The following PIK3CB variants were observed in gnomAD, a reference collection of about 807,000 sequenced individuals.
The protein encoded by PIK3CB is phosphatidylinositol-4,5-bisphosphate 3-kinase catalytic subunit beta.
PIK3CB carries 39 observed loss-of-function variants against 136.8 expected under a neutral mutation model. That is an observed-to-expected ratio of 0.29 (90% confidence interval 0.22 to 0.37). The LOEUF (loss-of-function observed/expected upper bound fraction) is 0.37. PIK3CB is among the 10% of genes least tolerant of loss of function. The pLI, the probability that PIK3CB is intolerant of heterozygous loss-of-function variation, is 1.00. For missense variants in PIK3CB, 868 were observed against 1,275.4 expected (o/e 0.68, Z 4.87); for synonymous variants, 428 against 436.6 (o/e 0.98, Z 0.25).
At chr3:138,822,955 A>T (rs923534374) in intron 1 of PIK3CB, among the ~76,000 whole-genome samples, 2 of 143,974 alleles carry the variant, frequency 1.4e-5, no homozygotes, top group African/African-American at 5.1e-5. Flanking sequence ...ATATACATGA[A>T]ATATATATAT....
intron 8 of PIK3CB, among the ~76,000 whole-genome samples, chr3:138,728,708 A>T (rs1445501867): frequency 1.3e-5 from 2 of 151,500 alleles, no homozygotes; most frequent in Middle Eastern, 6.8e-3. Flanking sequence ...TGAACCCGGG[A>T]GGGGGAGCTT....
chr3:138,757,377 C>T (rs183907451), intron 3 of PIK3CB, among the ~76,000 whole-genome samples: 65 of 151,764 alleles, frequency 4.3e-4, no homozygotes, highest in African/African-American at 1.2e-3. Context: ...GCCCTCCAGT[C>T]TGGCGACAGA....
rs60503033 is a variant in PIK3CB at position 138,744,392 on chromosome 3, C to CAAAAAAAAAAAAAAAAAAAAAAAAAAA, written c.398-1638_398-1612dup. The stretch of plus-strand genomic sequence containing the variant: ...ACTGGGTGACAGAGCGAGACTCCCC[C>CAAAAAAAAAAAAAAAAAAAAAAAAAAA]AAAAAAAAAAAAAAAAAAAAAAAAA... On this transcript the variant is annotated intron_variant, in intron 4 of 23. Coordinates refer to ENST00000674063, the MANE Select transcript of PIK3CB (RefSeq NM_006219.3). 7.8e-4 allele frequency among the ~76,000 whole-genome samples: 35 copies of CAAAAAAAAAAAAAAAAAAAAAAAAAAA among 45,108 alleles called. 16 individuals carry two copies. Among genetic ancestry groups the CAAAAAAAAAAAAAAAAAAAAAAAAAAA allele is most frequent in the Non-Finnish European group, 1.1e-3 (28 of 24,730 alleles). The allele number at this position is 45,108 out of a possible 152,430, so 29.6% of individuals were successfully genotyped here.
chr3:138,697,837 A>G (rs2044170846), intron 13 of PIK3CB, among the ~76,000 whole-genome samples: 2 of 152,010 alleles, frequency 1.3e-5, no homozygotes, highest in African/African-American at 4.8e-5. Context: ...GATTCCAACA[A>G]TTCTCCCATT....
At chr3:138,688,014 G>A (rs2043929269) in intron 16 of PIK3CB, among the ~76,000 whole-genome samples, 1 of 152,096 alleles carries the variant, frequency 6.6e-6, no homozygotes, top group Non-Finnish European at 1.5e-5. Context: ...CCCATAATAA[G>A]TGATGAATAA....
Position 138,701,552 on chromosome 3 carries a change from C to T in PIK3CB, c.1582-2457G>A, listed in dbSNP as rs138996365. ...CTGTAATCCCAGCACTTTGGGAGGC[C>T]GAGACGGGCAGATCACGGGGTCAAG... On this transcript the variant is annotated intron_variant, in intron 12 of 23. Transcript: ENST00000674063. Among the ~76,000 whole-genome samples, 39 of 151,974 alleles carry T rather than the reference C, an allele frequency of 2.6e-4. No homozygotes were observed. The East Asian group carries it at 5.8e-3, about 23-fold the overall frequency.
At chr3:138,784,121 G>C (rs180765393) in intron 2 of PIK3CB, among the ~76,000 whole-genome samples, 133 of 152,342 alleles carry the variant, frequency 8.7e-4, no homozygotes, top group African/African-American at 3.1e-3. Context: ...GCCAGGCACA[G>C]TGGCTCACGC....
chr3:138,726,999 CGT>C lies in PIK3CB; in HGVS notation c.1050+6360_1050+6361del, dbSNP rs1189841751. On this transcript the variant is annotated intron_variant, in intron 8 of 23. Coordinates refer to ENST00000674063, the MANE Select transcript of PIK3CB (RefSeq NM_006219.3). Reference sequence around the variant, plus strand: ...CCAGGAAGTCAAGGCTGCAGTGAGCCGTGTTTATCCACTCCACTCCAACCTGG... The same window carrying C: ...CCAGGAAGTCAAGGCTGCAGTGAGCCGTTTATCCACTCCACTCCAACCTGG... Among the ~76,000 whole-genome samples, 23 of 151,844 alleles carry C rather than the reference CGT, an allele frequency of 1.5e-4. 1 individual carries two copies. The highest frequency in any genetic ancestry group is 1.5e-3 in the Admixed American group (23 of 15,236).
chr3:138,723,548 T>C (rs981192944), intron 8 of PIK3CB, among the ~76,000 whole-genome samples: 3 of 152,140 alleles, frequency 2.0e-5, no homozygotes, highest in African/African-American at 7.2e-5. Context: ...AGACCCCGTC[T>C]CAAAAATAAA....
intron 1 of PIK3CB, among the ~76,000 whole-genome samples, chr3:138,815,310 T>C (rs1028069160): frequency 1.4e-5 from 2 of 140,218 alleles, no homozygotes; most frequent in African/African-American, 2.7e-5. Flanking sequence ...TGAGCCAAGA[T>C]TGTGCCACTG....
chr3:138,733,472 A>G lies in PIK3CB; in HGVS notation c.973-34T>C, dbSNP rs750569147. ...GAATAAAATAAATACAAATTATTTT[A>G]ATGAAAGAAATGAATATTCTATGCT... On this transcript the variant is annotated intron_variant, in intron 7 of 23. Transcript: ENST00000674063. 3.0e-6 allele frequency: 3 copies of G among 1,014,660 alleles called. No homozygotes were observed. The Admixed American group carries it at 5.8e-5, about 20-fold the overall frequency. 62.9% of individuals were successfully genotyped at this position (1,014,660 alleles called of 1,614,324 possible).
At chr3:138,732,196 T>G (rs1275469592) in intron 8 of PIK3CB, among the ~76,000 whole-genome samples, 1 of 152,192 alleles carries the variant, frequency 6.6e-6, no homozygotes, top group Non-Finnish European at 1.5e-5. Flanking sequence ...TAAGAGTACC[T>G]AAAATCTACT....
chr3:138,671,674 C>T (rs1010725015), intron 19 of PIK3CB, among the ~76,000 whole-genome samples: 8 of 152,222 alleles, frequency 5.3e-5, no homozygotes, highest in African/African-American at 1.7e-4. Flanking sequence ...CACTCAAAAT[C>T]CTAAGGAAAC....
chr3:138,686,059 C>G (rs2043885778), intron 16 of PIK3CB, among the ~76,000 whole-genome samples: 1 of 149,980 alleles, frequency 6.7e-6, no homozygotes, highest in Non-Finnish European at 1.5e-5. Flanking sequence ...ATCACTGGAA[C>G]CTGGGAGCTG....
At chr3:138,772,132 T>C (rs1477845761) in intron 2 of PIK3CB, among the ~76,000 whole-genome samples, 1 of 152,060 alleles carries the variant, frequency 6.6e-6, no homozygotes, top group East Asian at 1.9e-4. Context: ...TTATCAAGAA[T>C]ATGTGGCAAT....
At chr3:138,810,940 A>C (rs550727181) in intron 1 of PIK3CB, among the ~76,000 whole-genome samples, 1 of 151,694 alleles carries the variant, frequency 6.6e-6, no homozygotes, top group Admixed American at 6.6e-5. Flanking sequence ...TAAATAAATA[A>C]ATGTCGGCCG....
intron 8 of PIK3CB, among the ~76,000 whole-genome samples, chr3:138,732,563 C>G (rs1321445814): frequency 6.6e-6 from 1 of 152,060 alleles, no homozygotes; most frequent in Non-Finnish European, 1.5e-5. Flanking sequence ...GCTTTATACT[C>G]TGAGACAAAA....
chr3:138,737,184 G>A (rs1054885702), intron 6 of PIK3CB, among the ~76,000 whole-genome samples: 1 of 151,944 alleles, frequency 6.6e-6, no homozygotes, highest in Non-Finnish European at 1.5e-5. Flanking sequence ...CTTGAGGCCA[G>A]GAATTTGAGA....
At chr3:138,713,708 T>G (rs545263761) in intron 9 of PIK3CB, among the ~76,000 whole-genome samples, 1 of 151,992 alleles carries the variant, frequency 6.6e-6, no homozygotes, top group African/African-American at 2.4e-5. Context: ...AATTAATATA[T>G]AGATAAATAT....
Sources: allele counts gnomAD v4.1 joint callset (sites outside exome capture counted in the v4.1 genomes callset), GRCh38; gene constraint gnomAD v4.1.1; transcripts MANE v1.5; gene names NCBI Gene and HGNC (gene_info 2026-07-23, HGNC 2026-07-21).